SPOCK3: variants seen among roughly 807,000 people sequenced by gnomAD.
The protein encoded by SPOCK3 is SPARC (osteonectin), cwcv and kazal like domains proteoglycan 3.
Under a neutral mutation model 56.6 loss-of-function variants are expected in SPOCK3, and 30 were observed. That is an observed-to-expected ratio of 0.53 (90% CI 0.40 to 0.72). The LOEUF (loss-of-function observed/expected upper bound fraction) is 0.72, where lower values mean the gene tolerates loss of function less well. Among genes scored for constraint, SPOCK3 ranks in the 30% least tolerant of loss-of-function variants. The probability of loss-of-function intolerance (pLI) is 0.00; values close to 1 mark genes in which losing one functional copy is unlikely to be tolerated. For synonymous variants in SPOCK3, 196 were observed against 183.3 expected (o/e 1.07, Z -0.56); for missense variants, 527 against 530.0 (o/e 0.99, Z 0.06).
intron 6 of SPOCK3, among the ~76,000 whole-genome samples, chr4:166,888,929 A>G (rs538416752): frequency 2.6e-5 from 4 of 152,154 alleles, no homozygotes; most frequent in South Asian, 4.1e-4. Flanking sequence ...ATTACTATCA[A>G]AATAAATAGA....
chr4:166,801,116 A>G (rs570507304), intron 6 of SPOCK3, among the ~76,000 whole-genome samples: 1 of 152,284 alleles, frequency 6.6e-6, no homozygotes, highest in East Asian at 1.9e-4. Context: ...GGTGTATAGT[A>G]AGCTACATCA....
intron 2 of SPOCK3, among the ~76,000 whole-genome samples, chr4:167,134,489 T>C (rs1762956355): frequency 6.6e-6 from 1 of 152,154 alleles, no homozygotes; most frequent in Non-Finnish European, 1.5e-5. Flanking sequence ...TTTTTCAATT[T>C]TGTTACATTT....
chr4:167,112,477 A>G (rs1760984342), intron 2 of SPOCK3, among the ~76,000 whole-genome samples: 1 of 152,016 alleles, frequency 6.6e-6, no homozygotes, highest in South Asian at 2.1e-4. Flanking sequence ...CAATGGGTTC[A>G]CTCTTTTCCT....
At chr4:167,111,123 T>G (rs1436703287) in intron 2 of SPOCK3, among the ~76,000 whole-genome samples, 1 of 152,034 alleles carries the variant, frequency 6.6e-6, no homozygotes, top group Non-Finnish European at 1.5e-5. Context: ...CAAATGTGGA[T>G]GTATAGACTA....
At chr4:166,742,862 T>C (rs1256523296) in intron 8 of SPOCK3, among the ~76,000 whole-genome samples, 1 of 152,184 alleles carries the variant, frequency 6.6e-6, no homozygotes, top group Non-Finnish European at 1.5e-5. Flanking sequence ...ATTACTCTTA[T>C]ATTTACTGTT....
chr4:167,056,012 C>A (rs1754794850), intron 3 of SPOCK3, among the ~76,000 whole-genome samples: 2 of 152,186 alleles, frequency 1.3e-5, no homozygotes, highest in Admixed American at 1.3e-4. Flanking sequence ...AAGTGGGTCC[C>A]TGACAGCAGA....
intron 7 of SPOCK3, among the ~76,000 whole-genome samples, chr4:166,764,271 A>G (rs1737659549): frequency 6.6e-6 from 1 of 152,092 alleles, no homozygotes; most frequent in South Asian, 2.1e-4. Flanking sequence ...TACATGTACC[A>G]TGTTGGTGTG....
intron 4 of SPOCK3, among the ~76,000 whole-genome samples, chr4:166,949,653 C>A (rs147293656): frequency 0.026 from 3,933 of 152,134 alleles, 159 homozygotes; most frequent in African/African-American, 0.089. Flanking sequence ...TGCAGAACAG[C>A]GGTTTTTCAT....
chr4:166,970,669 G>C (rs6833708), intron 4 of SPOCK3, among the ~76,000 whole-genome samples: 21,132 of 151,314 alleles, frequency 0.14, 1,946 homozygotes, highest in African/African-American at 0.26. Context: ...AGGCTGCAGT[G>C]AACTGAGATT....
chr4:167,233,044 GTTCA>G (rs1419875793), intron 2 of SPOCK3, among the ~76,000 whole-genome samples: 2 of 152,196 alleles, frequency 1.3e-5, no homozygotes, highest in African/African-American at 4.8e-5. Flanking sequence ...TCTCGCTCCA[GTTCA>G]GGCCTTCCGC....
chr4:166,841,827 A>C (rs923163416), intron 6 of SPOCK3, among the ~76,000 whole-genome samples: 1 of 152,140 alleles, frequency 6.6e-6, no homozygotes, highest in Non-Finnish European at 1.5e-5. Flanking sequence ...TATTTCTCCC[A>C]TTGTGTCTAA....
At chr4:167,011,016 G>A (rs1229467503) in intron 3 of SPOCK3, among the ~76,000 whole-genome samples, 1 of 151,900 alleles carries the variant, frequency 6.6e-6, no homozygotes, top group Non-Finnish European at 1.5e-5. Context: ...AGAAGAGCAA[G>A]AGATTTCATA....
At chr4:166,884,319 G>A (rs1243840631) in intron 6 of SPOCK3, among the ~76,000 whole-genome samples, 1 of 151,208 alleles carries the variant, frequency 6.6e-6, no homozygotes, top group Non-Finnish European at 1.5e-5. Context: ...CGCCACTGCA[G>A]TTGGCCTGGA....
At chr4:166,962,332 G>A (rs562880951) in intron 4 of SPOCK3, among the ~76,000 whole-genome samples, 1 of 152,232 alleles carries the variant, frequency 6.6e-6, no homozygotes, top group South Asian at 2.1e-4. Flanking sequence ...ACCACAGTGT[G>A]TTAAGGTGTC....
At chr4:167,183,632 T>G (rs909401736) in intron 2 of SPOCK3, among the ~76,000 whole-genome samples, 1 of 152,216 alleles carries the variant, frequency 6.6e-6, no homozygotes, top group Admixed American at 6.5e-5. Flanking sequence ...AGCATTTTAC[T>G]ATTGCAAAAA....
At chr4:167,083,569 T>C (rs1757915303) in intron 2 of SPOCK3, among the ~76,000 whole-genome samples, 1 of 152,164 alleles carries the variant, frequency 6.6e-6, no homozygotes, top group Non-Finnish European at 1.5e-5. Context: ...AGGTTCATTT[T>C]ATACTTACTT....
chr4:166,752,233 C>T (rs1736466694), intron 8 of SPOCK3, among the ~76,000 whole-genome samples: 1 of 151,948 alleles, frequency 6.6e-6, no homozygotes, highest in South Asian at 2.1e-4. Flanking sequence ...CCACATTGCC[C>T]ACACTGCTCG....
chr4:167,182,189 T>A (rs907726553), intron 2 of SPOCK3, among the ~76,000 whole-genome samples: 6 of 152,192 alleles, frequency 3.9e-5, no homozygotes, highest in Non-Finnish European at 8.8e-5. Flanking sequence ...TGGCAACTTT[T>A]TTTTCCCTTG....
chr4:167,089,841 C>T (rs371265327), intron 2 of SPOCK3, among the ~76,000 whole-genome samples: 2 of 152,198 alleles, frequency 1.3e-5, no homozygotes, highest in South Asian at 2.1e-4. Flanking sequence ...TTTTCTTCCC[C>T]CAGTGATTTG....
Sources: allele counts gnomAD v4.1 joint callset (sites outside exome capture counted in the v4.1 genomes callset), GRCh38; gene constraint gnomAD v4.1.1; transcripts MANE v1.5; gene names NCBI Gene and HGNC (gene_info 2026-07-23, HGNC 2026-07-21).